The following CCBE1 variants were observed in gnomAD, a reference collection of about 807,000 sequenced individuals.
The protein encoded by CCBE1 is collagen and calcium-binding EGF domain-containing protein 1.
CCBE1 carries 37 observed loss-of-function variants against 50.0 expected under a neutral mutation model. The ratio of observed to expected loss-of-function variants is 0.74; its 90% confidence interval spans 0.57 to 0.97. The LOEUF is 0.97. Ranked by LOEUF, CCBE1 falls within the 50% of genes least tolerant of loss-of-function variation. The pLI, the probability that CCBE1 is intolerant of heterozygous loss-of-function variation, is 0.00. For synonymous variants in CCBE1, 234 were observed against 203.7 expected, an observed-to-expected ratio of 1.15 and a Z score of -1.27; for missense variants, 538 against 523.8, an observed-to-expected ratio of 1.03 and a Z score of -0.26.
At chr18:59,481,973 G>A (rs747689244) in intron 2 of CCBE1, among the ~76,000 whole-genome samples, 4 of 152,146 alleles carry the variant, frequency 2.6e-5, no homozygotes, top group Non-Finnish European at 4.4e-5. Flanking sequence ...GTGGTTTGCT[G>A]CACCCATCAA....
At chr18:59,660,005 T>C (rs1445399951) in intron 2 of CCBE1, among the ~76,000 whole-genome samples, 2 of 152,188 alleles carry the variant, frequency 1.3e-5, no homozygotes, top group East Asian at 3.8e-4. Flanking sequence ...TCACAGACAA[T>C]GCGTGAGTTT....
intron 2 of CCBE1, among the ~76,000 whole-genome samples, chr18:59,503,318 G>C (rs775598818): frequency 5.9e-5 from 9 of 152,170 alleles, no homozygotes; most frequent in Non-Finnish European, 1.2e-4. Context: ...TTATGGAGCC[G>C]ATCAACCTGC....
At chr18:59,594,489 G>T (rs558411522) in intron 2 of CCBE1, among the ~76,000 whole-genome samples, 1 of 152,194 alleles carries the variant, frequency 6.6e-6, no homozygotes. Flanking sequence ...ATGGTTGCAC[G>T]CGTACTTAAT....
intron 9 of CCBE1, 101 bp downstream of exon 9, chr18:59,439,441 TG>T: frequency 7.1e-7 from 1 of 1,412,990 alleles, no homozygotes; most frequent in African/African-American, 1.4e-5. Flanking sequence ...CACTCCAGCC[TG>T]GGTGACAGAG....
At chr18:59,530,375 T>A (rs917356895) in intron 2 of CCBE1, among the ~76,000 whole-genome samples, 13 of 152,212 alleles carry the variant, frequency 8.5e-5, no homozygotes, top group African/African-American at 2.9e-4. Flanking sequence ...ATGCCACTTA[T>A]AATTCCTTTA....
chr18:59,674,297 T>TA (rs2054470215), intron 2 of CCBE1, among the ~76,000 whole-genome samples: 1 of 152,136 alleles, frequency 6.6e-6, no homozygotes. Context: ...TGTACACCTA[T>TA]AAAAAAGGAT....
intron 2 of CCBE1, among the ~76,000 whole-genome samples, chr18:59,633,015 T>A (rs1240846936): frequency 6.6e-6 from 1 of 152,190 alleles, no homozygotes; most frequent in Non-Finnish European, 1.5e-5. Flanking sequence ...TGAAACTGCC[T>A]TTAAGCATTC....
At chr18:59,587,091 C>G (rs1340413139) in intron 2 of CCBE1, among the ~76,000 whole-genome samples, 1 of 152,200 alleles carries the variant, frequency 6.6e-6, no homozygotes, top group Non-Finnish European at 1.5e-5. Context: ...TTGAAGATGA[C>G]TTCACTGGTA....
intron 2 of CCBE1, among the ~76,000 whole-genome samples, chr18:59,674,622 A>T (rs1223659095): frequency 2.0e-5 from 3 of 152,232 alleles, no homozygotes; most frequent in Non-Finnish European, 2.9e-5. Context: ...GTATAATTTT[A>T]AAAAATGTGA....
At chr18:59,468,674 G>A (rs113180469) in intron 4 of CCBE1, among the ~76,000 whole-genome samples, 3,680 of 152,240 alleles carry the variant, frequency 0.024, 119 homozygotes, top group African/African-American at 0.082. Flanking sequence ...ATGACAGCTG[G>A]TTTATCTTCC....
rs1426080109 is a variant in CCBE1 at position 59,431,334 on chromosome 18, C to T, written c.*4574G>A. ...ATATTGACTATGCCAGGAAAAAATT[C>T]ATCTATTTCCCTGAACTCATTATTA... On this transcript the variant is annotated 3_prime_UTR_variant, in exon 11 of 11. Transcript: ENST00000439986. 2 of 152,196 alleles carry T rather than the reference C, an allele frequency of 1.3e-5. No individual in the cohort carries two copies. Among genetic ancestry groups the T allele is most frequent in the Non-Finnish European group, 2.9e-5 (2 of 68,030 alleles). 9.4% of individuals were successfully genotyped at this position (152,196 alleles called of 1,614,324 possible).
At chr18:59,501,223 G>A (rs1383829667) in intron 2 of CCBE1, among the ~76,000 whole-genome samples, 4 of 152,210 alleles carry the variant, frequency 2.6e-5, no homozygotes, top group Non-Finnish European at 5.9e-5. Context: ...CGGCTGGGAC[G>A]TCAAGTCGAT....
At chr18:59,617,164 GATC>G (rs2053647870) in intron 2 of CCBE1, among the ~76,000 whole-genome samples, 2 of 152,184 alleles carry the variant, frequency 1.3e-5, no homozygotes, top group South Asian at 4.1e-4. Flanking sequence ...TAATAACCAA[GATC>G]ATCATCACTG....
At position 59,504,092 on chromosome 18, in the gene CCBE1, C is replaced by G. The variant is rs1913755766; in HGVS notation, c.213-23854G>C. Reference sequence around the variant, plus strand: ...CCAACTCACTCACTGCCTGAGTGAACAGAATCTCAAAACTGGAGGAAAAAA... The same window carrying G: ...CCAACTCACTCACTGCCTGAGTGAAGAGAATCTCAAAACTGGAGGAAAAAA... On this transcript the variant is annotated intron_variant, in intron 2 of 10. Transcript: ENST00000439986. Among the ~76,000 whole-genome samples the G allele has an allele frequency of 2.0e-5, 3 of 152,302 alleles. No homozygotes were observed. The East Asian group carries it at 5.8e-4, about 29-fold the overall frequency.
intron 2 of CCBE1, among the ~76,000 whole-genome samples, chr18:59,650,590 C>A (rs941453771): frequency 4.6e-5 from 7 of 151,444 alleles, no homozygotes; most frequent in Non-Finnish European, 7.4e-5. Flanking sequence ...TTATCCCAGC[C>A]GGAATTTGAA....
At chr18:59,590,675 G>A (rs1328363732) in intron 2 of CCBE1, among the ~76,000 whole-genome samples, 2 of 152,262 alleles carry the variant, frequency 1.3e-5, no homozygotes, top group Non-Finnish European at 2.9e-5. Context: ...AGAGGACAGA[G>A]ACCAATGGAT....
In CCBE1 at chr18:59,433,533, G is replaced by T. The variant is rs1910015140; in HGVS notation, c.*2375C>A. ...AAGGGAAGGAAGACTGTTGCCACTA[G>T]AGGTTTGCAAAGCCCCTTCCTAACA... On this transcript the variant is annotated 3_prime_UTR_variant, in exon 11 of 11. Transcript: ENST00000439986. 6.6e-6 allele frequency: 1 copy of T among 152,096 alleles called. No individual in the cohort carries two copies. Among genetic ancestry groups the T allele is most frequent in the Non-Finnish European group, 1.5e-5 (1 of 68,010 alleles). The allele number at this position is 152,096 out of a possible 1,614,324, so 9.4% of individuals were successfully genotyped here. A position where few individuals can be genotyped will look rare whatever the true frequency, so the allele number is the denominator to read the frequency against.
intron 2 of CCBE1, among the ~76,000 whole-genome samples, chr18:59,532,548 G>A (rs560890928): frequency 2.0e-5 from 3 of 152,264 alleles, no homozygotes; most frequent in African/African-American, 7.2e-5. Context: ...GAAGAGACAG[G>A]AATTAACATT....
intron 2 of CCBE1, among the ~76,000 whole-genome samples, chr18:59,687,656 G>A (rs919251098): frequency 6.7e-6 from 1 of 149,304 alleles, no homozygotes; most frequent in Non-Finnish European, 1.5e-5. Flanking sequence ...GGTGTTAAAA[G>A]GAAGTTCAAA....
Sources: gnomAD v4.1 joint callset for allele counts (sites outside exome capture counted in the v4.1 genomes callset) on GRCh38, gnomAD v4.1.1 for gene constraint, MANE v1.5 for transcripts, NCBI Gene and HGNC (gene_info 2026-07-23, HGNC 2026-07-21) for gene names.